Variants in SLIT2 observed in about 807,000 individuals in gnomAD.
SLIT2 encodes slit homolog 2 protein.
SLIT2 carries 41 observed loss-of-function variants against 185.7 expected under a neutral mutation model. That is an observed-to-expected ratio of 0.22 (90% CI 0.17 to 0.29). SLIT2 has a LOEUF of 0.29. Ranked by LOEUF, SLIT2 falls within the 10% of genes least tolerant of loss-of-function variation. SLIT2 has a pLI of 1.00. For missense variants in SLIT2, 1,571 were observed against 1,909.0 expected (o/e 0.82, Z 3.30); for synonymous variants, 693 against 680.2 (o/e 1.02, Z -0.29).
chr4:20,600,241 C>T (rs1728301107), intron 33 of SLIT2, among the ~76,000 whole-genome samples: 1 of 151,864 alleles, frequency 6.6e-6, no homozygotes, highest in Admixed American at 6.6e-5. Flanking sequence ...TTAAAGCTAG[C>T]ATTCATATCA....
intron 4 of SLIT2, among the ~76,000 whole-genome samples, chr4:20,440,109 C>A (rs910880024): frequency 2.0e-5 from 3 of 152,110 alleles, no homozygotes; most frequent in Non-Finnish European, 4.4e-5. Flanking sequence ...CTTTGGAAAG[C>A]AGTCTGCCGT....
intron 4 of SLIT2, among the ~76,000 whole-genome samples, chr4:20,368,591 A>T (rs1377329925): frequency 1.3e-5 from 2 of 152,158 alleles, no homozygotes; most frequent in Admixed American, 6.6e-5. Flanking sequence ...CATAAACTCA[A>T]CATAAAATTT....
intron 4 of SLIT2, among the ~76,000 whole-genome samples, chr4:20,386,085 T>C (rs1724915559): frequency 6.6e-6 from 1 of 152,078 alleles, no homozygotes; most frequent in Non-Finnish European, 1.5e-5. Flanking sequence ...TGCCATAATG[T>C]GTATGATATA....
At chr4:20,375,314 A>T (rs1577528313) in intron 4 of SLIT2, among the ~76,000 whole-genome samples, 1 of 152,200 alleles carries the variant, frequency 6.6e-6, no homozygotes, top group East Asian at 1.9e-4. Flanking sequence ...AAATAATTGT[A>T]GAAATGGTAC....
chr4:20,494,639 C>T (rs1718066175), intron 9 of SLIT2, among the ~76,000 whole-genome samples: 1 of 151,776 alleles, frequency 6.6e-6, no homozygotes, highest in African/African-American at 2.4e-5. Flanking sequence ...ATTAGCCGGG[C>T]GTGGTCGTGG....
intron 4 of SLIT2, among the ~76,000 whole-genome samples, chr4:20,400,870 T>C (rs1726292007): frequency 6.6e-6 from 1 of 151,868 alleles, no homozygotes; most frequent in Non-Finnish European, 1.5e-5. Flanking sequence ...TGGATTGCCA[T>C]GTGTTAGTAT....
intron 21 of SLIT2, among the ~76,000 whole-genome samples, chr4:20,544,897 A>G (rs1272272495): frequency 6.6e-6 from 1 of 152,090 alleles, no homozygotes; most frequent in Non-Finnish European, 1.5e-5. Context: ...ATCAAGAAAA[A>G]CTTAGGTAGA....
At position 20,518,557 on chromosome 4, in the gene SLIT2, G is replaced by GTGTA. The variant is rs1271279922; in HGVS notation, c.1059-824_1059-823insGTAT. On this transcript the variant is annotated intron_variant, in intron 11 of 36. Transcript: ENST00000504154. ...ATGAGCCACTGTGCCCAGCCTATATGTATATATATATATATATATATATAT... is the reference window on the plus strand; with the variant it reads ...ATGAGCCACTGTGCCCAGCCTATATGTGTATATATATATATATATATATATATAT... Among the ~76,000 whole-genome samples the GTGTA allele has an allele frequency of 9.4e-3, 168 of 17,852 alleles. 9 individuals carry two copies. The highest frequency in any genetic ancestry group is 0.016 in the South Asian group (6 of 368). 11.7% of individuals were successfully genotyped at this position (17,852 alleles called of 152,430 possible).
intron 8 of SLIT2, chr4:20,490,903 C>T (rs995688201): frequency 3.0e-6 from 3 of 1,008,138 alleles, no homozygotes; most frequent in Non-Finnish European, 4.5e-6. Flanking sequence ...GGCTTGCAGC[C>T]TCTTCCTGGC....
chr4:20,345,412 A>G (rs1721302357), intron 4 of SLIT2, among the ~76,000 whole-genome samples: 2 of 152,022 alleles, frequency 1.3e-5, no homozygotes, highest in Non-Finnish European at 2.9e-5. Context: ...CCTATTGCAC[A>G]CTTTTCCCTG....
rs1722250011 is a variant in SLIT2, at chr4:20,253,978, C to G, written c.163C>G (p.Arg55Gly). Residue 55 changes from arginine (R) to glycine (G), a missense_variant, in exon 1 of 37, where the codon CGC becomes GGC. Physicochemically the swap from Arg to Gly is moderately radical, Grantham distance 125. Around this residue, in one of 3 missense-constraint regions of SLIT2, gnomAD observed 1,202 missense variants for 1,416.4 expected, o/e 0.85. Coordinates refer to ENST00000504154, the MANE Select transcript of SLIT2 (RefSeq NM_004787.4). ...ALRSVPRNIP[R>G]NTERLDLNGN... The stretch of plus-strand genomic sequence containing the variant: ...GCGCAGCGTGCCCAGGAATATCCCC[C>G]GCAACACCGAGAGACTGTGAGTATG... 1.9e-6 allele frequency: 3 copies of G among 1,602,886 alleles called. No individual in the cohort carries two copies. The highest frequency in any genetic ancestry group is 2.2e-5 in the East Asian group (1 of 44,798).
At chr4:20,466,693 G>C (rs1048098828) in intron 4 of SLIT2, among the ~76,000 whole-genome samples, 11 of 152,108 alleles carry the variant, frequency 7.2e-5, no homozygotes, top group African/African-American at 2.7e-4. Context: ...AGAGGATGTG[G>C]ATGAGTCTGT....
At chr4:20,275,949 T>C (rs1714130148) in intron 4 of SLIT2, among the ~76,000 whole-genome samples, 1 of 152,160 alleles carries the variant, frequency 6.6e-6, no homozygotes, top group African/African-American at 2.4e-5. Context: ...CTGAAAGTTG[T>C]TCAGAAGATT....
At chr4:20,365,194 C>A (rs1183154210) in intron 4 of SLIT2, among the ~76,000 whole-genome samples, 1 of 152,114 alleles carries the variant, frequency 6.6e-6, no homozygotes, top group Non-Finnish European at 1.5e-5. Context: ...TCCAGTTTTT[C>A]ATCACACATG....
intron 4 of SLIT2, among the ~76,000 whole-genome samples, chr4:20,303,924 A>G (rs897680838): frequency 5.3e-5 from 8 of 152,256 alleles, no homozygotes; most frequent in East Asian, 1.9e-4. Context: ...AGGCTGGTCT[A>G]TGCCACACTA....
At chr4:20,554,763 G>A (rs532969343) in intron 26 of SLIT2, among the ~76,000 whole-genome samples, 147 of 146,316 alleles carry the variant, frequency 1.0e-3, no homozygotes, top group Non-Finnish European at 5.2e-4. Context: ...CTTTTGTTTT[G>A]TTTTTTTTTT....
chr4:20,549,000 G>T (rs1723497285), intron 23 of SLIT2, 57 bp from the exon 24 acceptor site: 1 of 942,586 alleles, frequency 1.1e-6, no homozygotes, highest in East Asian at 2.4e-5. Flanking sequence ...ATTTTTGGAA[G>T]TATTTGGCCA....
chr4:20,500,623 T>A (rs61514303), intron 9 of SLIT2, among the ~76,000 whole-genome samples: 2,169 of 152,172 alleles, frequency 0.014, 38 homozygotes, highest in South Asian at 0.074. Flanking sequence ...ATAAAAAAAA[T>A]TTTCAAAAAT....
At position 20,560,852 on chromosome 4, in the gene SLIT2, T is replaced by A. The variant is rs73801873; in HGVS notation, c.2726-6410T>A. Among the ~76,000 whole-genome samples, 381 of 151,998 alleles carry A rather than the reference T, an allele frequency of 2.5e-3. 5 individuals carry two copies. The highest frequency in any genetic ancestry group is 8.4e-3 in the African/African-American group (349 of 41,402). ...ACAAATATTATTCAAGTTCGTACAA[T>A]GTTCAAGGCACTGTGTCTAGGTGAT... On this transcript the variant is annotated intron_variant, in intron 26 of 36. Transcript: ENST00000504154.
Sources: allele counts gnomAD v4.1 joint callset (sites outside exome capture counted in the v4.1 genomes callset), GRCh38; gene constraint gnomAD v4.1.1; regional missense constraint gnomAD v4.1.1; transcripts MANE v1.5; gene names NCBI Gene and HGNC (gene_info 2026-07-23, HGNC 2026-07-21).